The following RHPN2 variants were observed in gnomAD, a reference collection of about 807,000 sequenced individuals.
RHPN2 encodes rhophilin-2.
A neutral mutation model predicts 79.0 loss-of-function variants in RHPN2; 40 were observed. The ratio of observed to expected loss-of-function variants is 0.51; its 90% CI spans 0.39 to 0.66. RHPN2 has a LOEUF of 0.66. Among genes scored for constraint, RHPN2 ranks in the 30% least tolerant of loss-of-function variants. The pLI is 0.00. For missense variants in RHPN2, 686 were observed against 883.5 expected, an observed-to-expected ratio of 0.78 and a Z score of 2.83; for synonymous variants, 285 against 363.5, an observed-to-expected ratio of 0.78 and a Z score of 2.46.
chr19:33,000,651 C>G (rs1971742142), intron 9 of RHPN2, among the ~76,000 whole-genome samples: 2 of 152,158 alleles, frequency 1.3e-5, no homozygotes, highest in African/African-American at 4.8e-5. Context: ...AGCAGAGCCC[C>G]TTCCTGCTTC....
At chr19:33,046,752 T>C (rs1297381039) in intron 1 of RHPN2, among the ~76,000 whole-genome samples, 1 of 152,238 alleles carries the variant, frequency 6.6e-6, no homozygotes, top group African/African-American at 2.4e-5. Flanking sequence ...CACATCGTGG[T>C]TTTGAATTGT....
chr19:33,054,494 T>C (rs1046160076), intron 1 of RHPN2, among the ~76,000 whole-genome samples: 2 of 152,132 alleles, frequency 1.3e-5, no homozygotes. Flanking sequence ...GCCACTGTGC[T>C]GGTCCCCTTT....
At chr19:32,985,068 G>A (rs567086504) in intron 14 of RHPN2, among the ~76,000 whole-genome samples, 77 of 151,728 alleles carry the variant, frequency 5.1e-4, no homozygotes, top group African/African-American at 1.9e-3. Context: ...GCACAATCTC[G>A]GCTCACTGCA....
intron 6 of RHPN2, among the ~76,000 whole-genome samples, chr19:33,010,385 GTT>G (rs34076809): frequency 3.5e-4 from 49 of 140,550 alleles, no homozygotes; most frequent in South Asian, 9.0e-4. Flanking sequence ...TTTTTAGGTT[GTT>G]TTTTTTTTTT....
intron 3 of RHPN2, among the ~76,000 whole-genome samples, chr19:33,024,801 G>A (rs767988111): frequency 7.2e-5 from 11 of 152,258 alleles, no homozygotes; most frequent in Non-Finnish European, 1.6e-4. Flanking sequence ...TGTTTTTTGA[G>A]ACAGGACTTT....
chr19:33,002,438 G>GGCA (rs1971757363), intron 8 of RHPN2, 35 bp from the exon 9 acceptor site: 1 of 1,613,004 alleles, frequency 6.2e-7, no homozygotes, highest in African/African-American at 1.3e-5. Context: ...GGGGCAGCCC[G>GGCA]GCACAAGGGC....
At chr19:32,995,956 C>A in intron 11 of RHPN2, 70 bp downstream of exon 11, 4 of 1,501,948 alleles carry the variant, frequency 2.7e-6, no homozygotes, top group Non-Finnish European at 3.7e-6. Context: ...CGCTCAACCC[C>A]CACAGGCCAG....
chr19:33,040,289 T>G (rs1020378105), intron 2 of RHPN2, among the ~76,000 whole-genome samples: 1 of 137,668 alleles, frequency 7.3e-6, no homozygotes, highest in Non-Finnish European at 1.5e-5. Context: ...CTGGCTGGAG[T>G]GCAGTAGCGC....
intron 1 of RHPN2, among the ~76,000 whole-genome samples, chr19:33,057,796 AGG>A (rs1972246289): frequency 6.6e-6 from 1 of 151,922 alleles, no homozygotes; most frequent in Non-Finnish European, 1.5e-5. Flanking sequence ...TTCCAACCTG[AGG>A]CTAAGTTATG....
chr19:33,002,212 G>A, intron 9 of RHPN2, 35 bp downstream of exon 9: 1 of 1,607,266 alleles, frequency 6.2e-7, no homozygotes, highest in East Asian at 2.2e-5. Flanking sequence ...CTGGACCACA[G>A]CCCTCGCCAA....
intron 4 of RHPN2, among the ~76,000 whole-genome samples, chr19:33,016,479 G>A (rs778572252): frequency 7.2e-5 from 11 of 152,228 alleles, no homozygotes; most frequent in Non-Finnish European, 1.5e-4. Flanking sequence ...TCAGGAGTTC[G>A]AGAACAGCCT....
chr19:33,013,202 CAAAAAACAAAA>C (rs1971851003), intron 4 of RHPN2, among the ~76,000 whole-genome samples: 1 of 74,594 alleles, frequency 1.3e-5, no homozygotes, highest in Admixed American at 1.3e-4. Context: ...AAAACAAAAA[CAAAAAACAAAA>C]AACAGAGTTT....
chr19:32,998,882 G>GGAGGGGAGAA (rs1267793814), intron 10 of RHPN2, among the ~76,000 whole-genome samples: 2 of 139,192 alleles, frequency 1.4e-5, no homozygotes, highest in African/African-American at 5.4e-5. Context: ...AGAGAGGAAA[G>GGAGGGGAGAA]GAGGGGAGAA....
intron 1 of RHPN2, among the ~76,000 whole-genome samples, chr19:33,055,644 A>C (rs1261536736): frequency 1.3e-5 from 2 of 151,468 alleles, no homozygotes; most frequent in Admixed American, 6.6e-5. Context: ...CTAACACGAA[A>C]TTAGCCCTCA....
chr19:33,036,699 G>C (rs1454699769), intron 2 of RHPN2, among the ~76,000 whole-genome samples: 2 of 152,222 alleles, frequency 1.3e-5, no homozygotes, highest in Non-Finnish European at 2.9e-5. Context: ...GCGAGTTCCA[G>C]GTGGGCGTGG....
At chr19:32,999,949 C>T (rs1476975673) in intron 9 of RHPN2, among the ~76,000 whole-genome samples, 1 of 152,032 alleles carries the variant, frequency 6.6e-6, no homozygotes, top group African/African-American at 2.4e-5. Flanking sequence ...AGTTCACTGC[C>T]GCCTTGAACT....
intron 4 of RHPN2, among the ~76,000 whole-genome samples, chr19:33,020,519 G>A (rs1479920927): frequency 6.8e-6 from 1 of 147,964 alleles, no homozygotes; most frequent in African/African-American, 2.5e-5. Context: ...TTTGAAATGG[G>A]ATCTCACTCT....
chr19:33,008,122 T>G lies in RHPN2; in HGVS notation c.652A>C (p.Ser218Arg). Residue 218 changes from serine (S) to arginine (R), a missense_variant, in exon 7 of 15, where the codon AGT becomes CGT. By Grantham distance (110) the Ser-to-Arg change is moderately radical (BLOSUM62 -1). Coordinates refer to ENST00000254260, the MANE Select transcript of RHPN2 (RefSeq NM_033103.5). Reference sequence around the variant, plus strand: ...AGGGCCCCAGTGTTGAACAGGACACTGGCCTTCTCCAGCAGCAGGTTCTGC... The same window carrying G: ...AGGGCCCCAGTGTTGAACAGGACACGGGCCTTCTCCAGCAGCAGGTTCTGC... ...SQQNLLLEKA[S>R]VLFNTGALYT... 8 of 1,614,116 alleles carry G rather than the reference T, an allele frequency of 5.0e-6. No individual in the cohort carries two copies. Among genetic ancestry groups the G allele is most frequent in the Non-Finnish European group, 6.8e-6 (8 of 1,180,020 alleles).
At chr19:33,026,721 G>A (rs1223181089) in intron 2 of RHPN2, 89 bp from the exon 3 acceptor site, 21 of 1,478,948 alleles carry the variant, frequency 1.4e-5, no homozygotes, top group Non-Finnish European at 1.9e-5. Flanking sequence ...CCTGCAGGGA[G>A]GATCAGGGCA....
Sources: gnomAD v4.1 joint callset for allele counts (sites outside exome capture counted in the v4.1 genomes callset) on GRCh38, gnomAD v4.1.1 for gene constraint, MANE v1.5 for transcripts, NCBI Gene and HGNC (gene_info 2026-07-23, HGNC 2026-07-21) for gene names.